The following IL12RB2 variants were observed in gnomAD, a reference collection of about 807,000 sequenced individuals.
IL12RB2 encodes interleukin-12 receptor subunit beta-2.
IL12RB2 carries 82 observed loss-of-function variants against 89.4 expected under a neutral mutation model. The observed-to-expected ratio is 0.92, with a 90% CI of 0.77 to 1.10. The LOEUF is 1.10. Among genes scored for constraint, IL12RB2 ranks in the 50% least tolerant of loss-of-function variants. The probability of loss-of-function intolerance (pLI) is 0.00; values close to 1 mark genes in which losing one functional copy is unlikely to be tolerated. For missense variants in IL12RB2, 963 were observed against 1,031.9 expected, an observed-to-expected ratio of 0.93 and a Z score of 0.92; for synonymous variants, 368 against 370.1, an observed-to-expected ratio of 0.99 and a Z score of 0.07.
intron 13 of IL12RB2, among the ~76,000 whole-genome samples, chr1:67,373,343 C>T (rs995738717): frequency 6.6e-6 from 1 of 152,200 alleles, no homozygotes; most frequent in Admixed American, 6.5e-5. Flanking sequence ...CTCCTGGGCT[C>T]AAGTGATTTG....
chr1:67,367,871 C>A lies in IL12RB2; in HGVS notation c.1305C>A (p.Asp435Glu). 6.2e-7 allele frequency: 1 copy of A among 1,609,700 alleles called. No homozygotes were observed. The highest frequency in any genetic ancestry group is 8.5e-7 in the Non-Finnish European group (1 of 1,175,974). Residue 435 changes from aspartate (D) to glutamate (E), a missense_variant, in exon 11 of 17, where the codon GAC (aspartate) becomes GAA (glutamate). By Grantham distance (45) the Asp-to-Glu change is conservative (BLOSUM62 2). Transcript: ENST00000674203. ...TCTCTGCAAACTCAGAGGGCATGGA[C>A]AACATTCTGGTGACTTGGCAGCCTC... is the stretch of plus-strand genomic sequence containing the variant. ...RQVSANSEGM[D>E]NILVTWQPPR...
chr1:67,390,245 TA>T (rs1263842237), intron 16 of IL12RB2, 117 bp downstream of exon 16: 87 of 699,878 alleles, frequency 1.2e-4, no homozygotes, highest in Admixed American at 7.5e-4. Context: ...GAGCTTAAGT[TA>T]TTCACGCTTG....
chr1:67,338,773 G>A lies in IL12RB2; in HGVS notation c.1038+70G>A, dbSNP rs774069595. ...AGGCAGAAAAAGACCTATTTGCATA[G>A]TGGCTTTTATATGAAGCTTCAATGA... is the stretch of plus-strand genomic sequence containing the variant. On this transcript the variant is annotated intron_variant, in intron 9 of 16. Coordinates refer to ENST00000674203, the MANE Select transcript of IL12RB2 (RefSeq NM_001374259.2). 4 of 800,600 alleles carry A rather than the reference G, an allele frequency of 5.0e-6. No individual in the cohort carries two copies. The African/African-American group carries it at 5.0e-5, about 10-fold the overall frequency. 49.6% of individuals were successfully genotyped at this position (800,600 alleles called of 1,614,324 possible). A position where few individuals can be genotyped will look rare whatever the true frequency, so the allele number is the denominator to read the frequency against.
At chr1:67,380,726 G>A (rs1203580414) in intron 14 of IL12RB2, among the ~76,000 whole-genome samples, 1 of 152,122 alleles carries the variant, frequency 6.6e-6, no homozygotes, top group Non-Finnish European at 1.5e-5. Context: ...TCTTTCGGAG[G>A]GCTATGAGAG....
At position 67,320,354 on chromosome 1, in the gene IL12RB2, C is replaced by A. The variant is rs1418090493; in HGVS notation, c.-15C>A. On this transcript the variant is annotated 5_prime_UTR_variant, in exon 3 of 17. Coordinates refer to ENST00000674203, the MANE Select transcript of IL12RB2 (RefSeq NM_001374259.2). ...CAAGGAAGAATACGGAGTTCTATACCAGAGTTGATTGTTGATGGCACATAC... is the reference window on the plus strand; with the variant it reads ...CAAGGAAGAATACGGAGTTCTATACAAGAGTTGATTGTTGATGGCACATAC... The A allele has an allele frequency of 2.5e-6, 4 of 1,613,748 alleles. No individual in the cohort carries two copies. Among genetic ancestry groups the A allele is most frequent in the Non-Finnish European group, 3.4e-6 (4 of 1,179,912 alleles).
rs1666467293 is a variant in IL12RB2 at position 67,398,133 on chromosome 1, AC to A, written c.*2049del. Among the ~76,000 whole-genome samples, 1 of 151,594 alleles carries A rather than the reference AC, an allele frequency of 6.6e-6. No homozygotes were observed. Among genetic ancestry groups the A allele is most frequent in the Admixed American group, 6.6e-5 (1 of 15,202 alleles). The stretch of plus-strand genomic sequence containing the variant: ...CTCTATTTAGCTATTATTGTGCGGC[AC>A]CCCCAATGGTTCCTTTCCTCTCAGC... On this transcript the variant is annotated 3_prime_UTR_variant, in exon 17 of 17. Coordinates refer to ENST00000674203, the MANE Select transcript of IL12RB2 (RefSeq NM_001374259.2).
intron 13 of IL12RB2, among the ~76,000 whole-genome samples, chr1:67,373,278 T>G (rs1181920929): frequency 6.6e-6 from 1 of 152,144 alleles, no homozygotes; most frequent in Non-Finnish European, 1.5e-5. Flanking sequence ...CCAGCTAATT[T>G]TTTAATTTTT....
rs1355070644 is a variant in IL12RB2 at position 67,328,481 on chromosome 1, A to T, written c.664+97A>T. 2.5e-5 allele frequency: 39 copies of T among 1,590,984 alleles called. No individual in the cohort carries two copies. The East Asian group carries it at 8.5e-4, about 35-fold the overall frequency. On this transcript the variant is annotated intron_variant, in intron 6 of 16. Coordinates refer to ENST00000674203, the MANE Select transcript of IL12RB2 (RefSeq NM_001374259.2). Reference sequence around the variant, plus strand: ...GTTGTTTCAAGAAAGACAGAGATTGATGGAAATTGGCCAACAGGCATAAGC... The same window carrying T: ...GTTGTTTCAAGAAAGACAGAGATTGTTGGAAATTGGCCAACAGGCATAAGC...
intron 16 of IL12RB2, among the ~76,000 whole-genome samples, chr1:67,393,382 C>T (rs1282724079): frequency 6.6e-6 from 1 of 152,190 alleles, no homozygotes; most frequent in Non-Finnish European, 1.5e-5. Context: ...AGCCAGAGGG[C>T]CCGCTTTGTA....
At chr1:67,384,679 T>C (rs1664955487) in intron 14 of IL12RB2, among the ~76,000 whole-genome samples, 1 of 152,340 alleles carries the variant, frequency 6.6e-6, no homozygotes, top group Admixed American at 6.5e-5. Context: ...TCCTCTTGAA[T>C]GTTTTGCTGC....
At chr1:67,346,862 G>A (rs950472723) in intron 9 of IL12RB2, among the ~76,000 whole-genome samples, 1 of 152,120 alleles carries the variant, frequency 6.6e-6, no homozygotes, top group Non-Finnish European at 1.5e-5. Context: ...AGATGACCTA[G>A]CTCTTCATAG....
intron 14 of IL12RB2, among the ~76,000 whole-genome samples, chr1:67,384,667 C>T (rs56018543): frequency 0.019 from 2,930 of 152,324 alleles, 43 homozygotes; most frequent in Non-Finnish European, 0.029. Flanking sequence ...CTATGTTCTG[C>T]TTCCTCTTGA....
intron 13 of IL12RB2, among the ~76,000 whole-genome samples, chr1:67,378,706 C>A (rs1664231070): frequency 6.6e-6 from 1 of 151,412 alleles, no homozygotes; most frequent in African/African-American, 2.4e-5. Flanking sequence ...AAAACTTAGC[C>A]AAGCATGGTG....
intron 14 of IL12RB2, among the ~76,000 whole-genome samples, chr1:67,381,391 G>C (rs1202198496): frequency 3.3e-5 from 5 of 152,152 alleles, no homozygotes; most frequent in Admixed American, 3.3e-4. Flanking sequence ...TCATTCAAGA[G>C]ACTTTGTTGT....
intron 4 of IL12RB2, among the ~76,000 whole-genome samples, chr1:67,323,990 G>T (rs1485626124): frequency 1.3e-5 from 2 of 152,128 alleles, no homozygotes; most frequent in Non-Finnish European, 2.9e-5. Flanking sequence ...TAATTGGCTT[G>T]CAAGTTTGAA....
chr1:67,373,067 GAC>G (rs1663546471), intron 13 of IL12RB2, among the ~76,000 whole-genome samples: 1 of 152,184 alleles, frequency 6.6e-6, no homozygotes, highest in Non-Finnish European at 1.5e-5. Context: ...CATATGAAGA[GAC>G]AGAATTTCAA....
intron 10 of IL12RB2, among the ~76,000 whole-genome samples, chr1:67,357,817 T>C (rs1027143972): frequency 6.6e-6 from 1 of 152,092 alleles, no homozygotes; most frequent in Non-Finnish European, 1.5e-5. Context: ...AGACTAGGGG[T>C]GAAATTCTTC....
At chr1:67,319,478 C>A (rs914508187) in intron 2 of IL12RB2, among the ~76,000 whole-genome samples, 6 of 152,096 alleles carry the variant, frequency 3.9e-5, no homozygotes, top group African/African-American at 1.4e-4. Flanking sequence ...TTTTTACTGC[C>A]AAAGAGATCA....
At chr1:67,327,871 T>A (rs554429663) in intron 5 of IL12RB2, among the ~76,000 whole-genome samples, 1 of 152,302 alleles carries the variant, frequency 6.6e-6, no homozygotes, top group South Asian at 2.1e-4. Flanking sequence ...GATGTCAAGG[T>A]GGCCACAGTG....
Sources: gnomAD v4.1 joint callset for allele counts (sites outside exome capture counted in the v4.1 genomes callset) on GRCh38, gnomAD v4.1.1 for gene constraint, MANE v1.5 for transcripts, NCBI Gene and HGNC (gene_info 2026-07-23, HGNC 2026-07-21) for gene names.